The following EVL variants were observed in gnomAD, a reference collection of about 807,000 sequenced individuals.
The protein encoded by EVL is ena/VASP-like protein.
A neutral mutation model predicts 59.6 loss-of-function variants in EVL; 21 were observed. That is an observed-to-expected ratio of 0.35 (90% CI 0.25 to 0.51). The LOEUF (loss-of-function observed/expected upper bound fraction) is 0.51, where lower values mean the gene tolerates loss of function less well. EVL is among the 20% of genes least tolerant of loss of function. EVL has a pLI of 0.97. For missense variants in EVL, 462 were observed against 546.6 expected, an observed-to-expected ratio of 0.85 and a Z score of 1.54; for synonymous variants, 198 against 203.5, an observed-to-expected ratio of 0.97 and a Z score of 0.23.
chr14:100,090,399 A>T (rs1361896001), intron 2 of EVL, among the ~76,000 whole-genome samples: 1 of 152,206 alleles, frequency 6.6e-6, no homozygotes, highest in African/African-American at 2.4e-5. Flanking sequence ...GTCTTACATT[A>T]CTCCTTCGGA....
intron 1 of EVL, among the ~76,000 whole-genome samples, chr14:100,033,299 G>A (rs117008767): frequency 1.3e-5 from 2 of 152,310 alleles, no homozygotes; most frequent in African/African-American, 2.4e-5. Flanking sequence ...TGTGCCTGCT[G>A]TACTGTGGGC....
intron 3 of EVL, among the ~76,000 whole-genome samples, chr14:100,112,193 T>G (rs1887040402): frequency 6.6e-6 from 1 of 152,172 alleles, no homozygotes; most frequent in South Asian, 2.1e-4. Context: ...CTCCGGAGAC[T>G]CAGAAAGCCA....
chr14:100,137,519 G>T, intron 9 of EVL, 59 bp from the exon 10 acceptor site: 1 of 1,561,084 alleles, frequency 6.4e-7, no homozygotes, highest in Non-Finnish European at 8.8e-7. Context: ...TTAGGGGATT[G>T]GGGTGGCTAC....
At chr14:100,140,490 C>G (rs1425288862) in intron 11 of EVL, 2 of 152,140 alleles carry the variant, frequency 1.3e-5, no homozygotes, top group Non-Finnish European at 2.9e-5. Flanking sequence ...GTGGCACATG[C>G]CTGTAATGCC....
At chr14:100,023,711 C>G (rs1311759694) in intron 1 of EVL, among the ~76,000 whole-genome samples, 1 of 152,122 alleles carries the variant, frequency 6.6e-6, no homozygotes, top group Non-Finnish European at 1.5e-5. Flanking sequence ...ATCTGCCCAC[C>G]TCAGCCTCCC....
chr14:100,143,690 C>G lies in EVL; in HGVS notation c.1220-11C>G. 6.2e-7 allele frequency: 1 copy of G among 1,611,884 alleles called. No individual in the cohort carries two copies. Among genetic ancestry groups the G allele is most frequent in the Non-Finnish European group, 8.5e-7 (1 of 1,179,864 alleles). ...ATGGCTGCACCTGAGCCGCCGCCAC[C>G]TGTCCCGCAGCCATCAGGCAGGAGC... On this transcript the variant is annotated splice_polypyrimidine_tract_variant and intron_variant, in intron 13 of 13. Coordinates refer to ENST00000392920, the MANE Select transcript of EVL (RefSeq NM_016337.3).
intron 1 of EVL, among the ~76,000 whole-genome samples, chr14:99,988,903 G>A (rs2060858263): frequency 1.3e-5 from 2 of 152,186 alleles, no homozygotes; most frequent in South Asian, 2.1e-4. Context: ...TGCTTGGGTG[G>A]GTGGAGGGTG....
upstream of EVL, chr14:100,065,275 G>T: frequency 3.5e-6 from 1 of 284,586 alleles, no homozygotes; most frequent in Non-Finnish European, 6.3e-6. Context: ...GTGGGGCTCT[G>T]CAGTGTTAGC....
chr14:99,994,172 A>G (rs2060896863), intron 1 of EVL, among the ~76,000 whole-genome samples: 2 of 124,300 alleles, frequency 1.6e-5, no homozygotes, highest in Admixed American at 2.0e-4. Flanking sequence ...TAAGATCTAC[A>G]GTGGATCTAT....
At chr14:100,055,529 C>T (rs965942440) in intron 1 of EVL, among the ~76,000 whole-genome samples, 1 of 152,338 alleles carries the variant, frequency 6.6e-6, no homozygotes, top group Admixed American at 6.5e-5. Context: ...AAATATATTT[C>T]TTTCTTCCTT....
chr14:100,062,507 A>G (rs1441564522), upstream of EVL, among the ~76,000 whole-genome samples: 1 of 152,190 alleles, frequency 6.6e-6, no homozygotes, highest in Non-Finnish European at 1.5e-5. Flanking sequence ...TTTACCCACA[A>G]GAATACAGGA....
At position 100,097,663 on chromosome 14, in the gene EVL, G is replaced by A. The variant is rs1043754090; in HGVS notation, c.358+5G>A. ...TCATGAATTCCCAAGAAGGAGGTAAGTAGGGCTTTGTCTTGGCCTGATGCT... is the reference window on the plus strand; with the variant it reads ...TCATGAATTCCCAAGAAGGAGGTAAATAGGGCTTTGTCTTGGCCTGATGCT... On this transcript the variant is annotated splice_donor_5th_base_variant and intron_variant, in intron 3 of 13. Coordinates refer to ENST00000392920, the MANE Select transcript of EVL (RefSeq NM_016337.3). The A allele has an allele frequency of 1.9e-6, 3 of 1,605,780 alleles. No homozygotes were observed. Among genetic ancestry groups the A allele is most frequent in the Non-Finnish European group, 2.6e-6 (3 of 1,175,564 alleles).
intron 1 of EVL, among the ~76,000 whole-genome samples, chr14:100,068,749 G>A (rs1043505647): frequency 6.6e-6 from 1 of 152,288 alleles, no homozygotes; most frequent in East Asian, 1.9e-4. Flanking sequence ...CTTTCACCAC[G>A]CTGGGGCAGC....
intron 1 of EVL, among the ~76,000 whole-genome samples, chr14:100,074,295 G>A (rs894677228): frequency 2.0e-5 from 3 of 152,124 alleles, no homozygotes; most frequent in Admixed American, 1.3e-4. Flanking sequence ...ATGTGGACAC[G>A]GAAGGCAGTT....
chr14:100,032,979 C>A (rs1160855509), intron 1 of EVL, among the ~76,000 whole-genome samples: 1 of 151,884 alleles, frequency 6.6e-6, no homozygotes, highest in Admixed American at 6.6e-5. Flanking sequence ...ATGTCACAGG[C>A]CCTAGAAGAG....
chr14:100,078,799 C>G (rs2062224909), intron 1 of EVL, among the ~76,000 whole-genome samples: 1 of 151,996 alleles, frequency 6.6e-6, no homozygotes, highest in Admixed American at 6.5e-5. Context: ...TGCCGAATGC[C>G]TACCTCCTAG....
upstream of EVL, among the ~76,000 whole-genome samples, chr14:100,061,090 T>C (rs2061819974): frequency 6.6e-6 from 1 of 151,828 alleles, no homozygotes; most frequent in South Asian, 2.1e-4. Context: ...TTACCTGTTG[T>C]ACAGAAAATC....
At chr14:100,097,175 A>G (rs1014120095) in intron 2 of EVL, 6 of 246,092 alleles carry the variant, frequency 2.4e-5, no homozygotes, top group Admixed American at 5.1e-5. Flanking sequence ...AGTGACTGCC[A>G]TGAGTGGAGT....
Position 100,143,951 on chromosome 14 carries a change from G to GAA in EVL, c.*213_*214insAA, listed in dbSNP as rs1889368986. 1 of 559,160 alleles carries GAA rather than the reference G, an allele frequency of 1.8e-6. No individual in the cohort carries two copies. The allele number at this position is 559,160 out of a possible 1,614,324, so 34.6% of individuals were successfully genotyped here. On this transcript the variant is annotated 3_prime_UTR_variant, in exon 14 of 14. Coordinates refer to ENST00000392920, the MANE Select transcript of EVL (RefSeq NM_016337.3). ...GATTCTGCCTGACACGGAACACCAG[G>GAA]TCTGCTCGTCTTTTTTGTGTTTTAT...
Sources: allele counts gnomAD v4.1 joint callset (sites outside exome capture counted in the v4.1 genomes callset), GRCh38; gene constraint gnomAD v4.1.1; transcripts MANE v1.5; gene names NCBI Gene and HGNC (gene_info 2026-07-23, HGNC 2026-07-21).